PCDH9: variants seen among roughly 807,000 people sequenced by gnomAD.
PCDH9 encodes protocadherin-9.
A neutral mutation model predicts 70.6 loss-of-function variants in PCDH9; 24 were observed. The observed-to-expected ratio is 0.34, with a 90% CI of 0.25 to 0.48. PCDH9 has a LOEUF of 0.48. PCDH9 is among the 20% of genes least tolerant of loss of function. PCDH9 has a pLI of 0.99. For synonymous variants in PCDH9, 562 were observed against 558.5 expected (o/e 1.01, Z -0.09); for missense variants, 1,281 against 1,503.6 (o/e 0.85, Z 2.45).
chr13:67,076,805 C>G (rs988412897), intron 2 of PCDH9, among the ~76,000 whole-genome samples: 8 of 152,112 alleles, frequency 5.3e-5, no homozygotes, highest in Non-Finnish European at 8.8e-5. Context: ...CGGCCCCACT[C>G]AATGGAATGC....
intron 2 of PCDH9, among the ~76,000 whole-genome samples, chr13:67,059,855 AT>A (rs2085501804): frequency 1.4e-5 from 2 of 146,304 alleles, no homozygotes; most frequent in Admixed American, 7.0e-5. Flanking sequence ...GTATCTGTGT[AT>A]TTCTGTTGTT....
At chr13:66,364,178 G>A (rs575050070) in intron 4 of PCDH9, among the ~76,000 whole-genome samples, 6 of 151,930 alleles carry the variant, frequency 3.9e-5, no homozygotes, top group South Asian at 4.2e-4. Flanking sequence ...CAAAAAAAAA[G>A]GAAGAAAGAA....
chr13:67,129,057 A>G (rs2087046143), intron 2 of PCDH9, among the ~76,000 whole-genome samples: 1 of 152,086 alleles, frequency 6.6e-6, no homozygotes, highest in Non-Finnish European at 1.5e-5. Context: ...CCACCTTGGG[A>G]CAGAAGTCAA....
At chr13:66,934,781 C>T (rs1166937451) in intron 2 of PCDH9, among the ~76,000 whole-genome samples, 7 of 115,916 alleles carry the variant, frequency 6.0e-5, no homozygotes, top group Admixed American at 4.5e-4. Flanking sequence ...AGTGCAGTGG[C>T]GCGATCTCGG....
chr13:66,403,527 A>T (rs1262164780), intron 4 of PCDH9, among the ~76,000 whole-genome samples: 12 of 152,130 alleles, frequency 7.9e-5, no homozygotes, highest in Non-Finnish European at 2.9e-5. Flanking sequence ...ACACTATCTG[A>T]CTGGCCTATA....
intron 2 of PCDH9, among the ~76,000 whole-genome samples, chr13:67,028,246 T>C (rs2084829241): frequency 1.4e-5 from 2 of 147,934 alleles, no homozygotes; most frequent in Admixed American, 6.8e-5. Context: ...GCCATAAAAA[T>C]GATGAGTTCA....
chr13:66,478,467 G>A (rs970359839), intron 4 of PCDH9, among the ~76,000 whole-genome samples: 1 of 152,200 alleles, frequency 6.6e-6, no homozygotes, highest in Non-Finnish European at 1.5e-5. Context: ...AAAAAGCTAG[G>A]CCTCTTGTGC....
chr13:66,561,902 C>T (rs374190358), intron 4 of PCDH9, among the ~76,000 whole-genome samples: 8 of 152,050 alleles, frequency 5.3e-5, no homozygotes, highest in East Asian at 3.9e-4. Flanking sequence ...TTTGTTCTTT[C>T]GCTCTTGGCA....
At chr13:66,488,219 T>C (rs1020911595) in intron 4 of PCDH9, among the ~76,000 whole-genome samples, 2 of 152,176 alleles carry the variant, frequency 1.3e-5, no homozygotes, top group African/African-American at 2.4e-5. Flanking sequence ...TGTGTCCCAA[T>C]ATCTGGAGAG....
chr13:66,766,207 T>A (rs1380087771), intron 3 of PCDH9, among the ~76,000 whole-genome samples: 1 of 151,820 alleles, frequency 6.6e-6, no homozygotes, highest in East Asian at 1.9e-4. Context: ...CAGCTCTGAG[T>A]GTGGATACTG....
intron 2 of PCDH9, among the ~76,000 whole-genome samples, chr13:67,059,942 C>T (rs1201936969): frequency 1.4e-5 from 2 of 145,914 alleles, no homozygotes; most frequent in Admixed American, 6.9e-5. Context: ...AAAAGTTTAA[C>T]AAACATGTTT....
At chr13:66,697,210 T>C (rs1239912006) in intron 3 of PCDH9, among the ~76,000 whole-genome samples, 2 of 152,188 alleles carry the variant, frequency 1.3e-5, no homozygotes, top group Non-Finnish European at 1.5e-5. Context: ...CACAACTTAA[T>C]AATATTAGGA....
chr13:67,160,563 AT>A (rs1361183181), intron 2 of PCDH9, among the ~76,000 whole-genome samples: 3 of 121,400 alleles, frequency 2.5e-5, no homozygotes, highest in African/African-American at 9.3e-5. Context: ...AAAAAGTGAT[AT>A]ACTCAAAGGC....
At chr13:66,445,920 C>A (rs138153722) in intron 4 of PCDH9, among the ~76,000 whole-genome samples, 1 of 150,964 alleles carries the variant, frequency 6.6e-6, no homozygotes, top group Non-Finnish European at 1.5e-5. Context: ...GCTTGGTAAG[C>A]CTTTCGATGC....
intron 2 of PCDH9, among the ~76,000 whole-genome samples, chr13:66,978,093 C>T (rs540926027): frequency 6.6e-6 from 1 of 152,030 alleles, no homozygotes; most frequent in South Asian, 2.1e-4. Context: ...ATTAATTTAC[C>T]AGATAAGAGA....
intron 2 of PCDH9, among the ~76,000 whole-genome samples, chr13:67,189,487 AT>A (rs1394941485): frequency 6.6e-6 from 1 of 152,046 alleles, no homozygotes; most frequent in East Asian, 1.9e-4. Context: ...TTAATTCTAA[AT>A]TTAAATTGTC....
At chr13:67,166,321 T>C (rs1484280544) in intron 2 of PCDH9, among the ~76,000 whole-genome samples, 1 of 152,224 alleles carries the variant, frequency 6.6e-6, no homozygotes, top group Admixed American at 6.5e-5. Flanking sequence ...TGATATGATG[T>C]GTAACCTAGA....
chr13:66,547,856 T>G (rs2138672408), intron 4 of PCDH9, among the ~76,000 whole-genome samples: 1 of 147,398 alleles, frequency 6.8e-6, no homozygotes, highest in South Asian at 2.1e-4. Flanking sequence ...AATATGATAT[T>G]TAATTATATT....
chr13:66,845,661 T>A (rs1438009169), intron 3 of PCDH9, among the ~76,000 whole-genome samples: 2 of 152,106 alleles, frequency 1.3e-5, no homozygotes. Flanking sequence ...TCCTGCTTGC[T>A]CCGTGGAGGA....
Sources: allele counts gnomAD v4.1 joint callset (sites outside exome capture counted in the v4.1 genomes callset), GRCh38; gene constraint gnomAD v4.1.1; transcripts MANE v1.5; gene names NCBI Gene and HGNC (gene_info 2026-07-23, HGNC 2026-07-21).